The following C9orf85 variants were observed in gnomAD, a reference collection of about 807,000 sequenced individuals.
C9orf85 encodes the protein chromosome 9 open reading frame 85, also known as uncharacterized protein C9orf85.
C9orf85 carries 16 observed loss-of-function variants against 14.9 expected under a neutral mutation model. The ratio of observed to expected loss-of-function variants is 1.08; its 90% CI spans 0.73 to 1.63. C9orf85 has a LOEUF of 1.63. Ranked by LOEUF, C9orf85 falls within the 40% of genes most tolerant of loss-of-function variation. The pLI is 0.00. For synonymous variants in C9orf85, 45 were observed against 56.8 expected (o/e 0.79, Z 0.93); for missense variants, 172 against 186.1 (o/e 0.92, Z 0.44).
At chr9:71,928,032 C>A (rs1827971371) in intron 1 of C9orf85, among the ~76,000 whole-genome samples, 1 of 151,842 alleles carries the variant, frequency 6.6e-6, no homozygotes, top group African/African-American at 2.4e-5. Context: ...ACTAAAAATA[C>A]AAAAATTAGT....
intron 1 of C9orf85, among the ~76,000 whole-genome samples, chr9:71,926,819 A>G (rs1827939851): frequency 6.6e-6 from 1 of 152,070 alleles, no homozygotes; most frequent in Non-Finnish European, 1.5e-5. Context: ...GATAAAAATT[A>G]TGAAATAAAA....
downstream of C9orf85, among the ~76,000 whole-genome samples, chr9:71,977,463 G>A (rs764998978): frequency 6.6e-6 from 1 of 152,220 alleles, no homozygotes; most frequent in Non-Finnish European, 1.5e-5. Context: ...AAGAAGAATT[G>A]ATATACCATG....
At chr9:71,975,441 C>CA (rs35034545), downstream of C9orf85, among the ~76,000 whole-genome samples, 7,455 of 94,250 alleles carry the variant, frequency 0.079, 234 homozygotes, top group Admixed American at 0.086. Context: ...GACTCCATCT[C>CA]AAAAAAAAAA....
rs201027513 is a variant in C9orf85, at chr9:71,971,539, T to C, written c.244T>C (p.Tyr82His). The change falls in exon 3 of 4, where the codon TAT (tyrosine) becomes CAT (histidine). Residue 82 changes from tyrosine (Y) to histidine (H), a missense_variant. Physicochemically the swap from Tyr to His is moderately conservative, Grantham distance 83. Coordinates refer to ENST00000334731, the MANE Select transcript of C9orf85 (RefSeq NM_182505.5). ...TTTACAAAAGACAGTGAAGGATTCT[T>C]ATCACATAATGTGCAGGCCATGTGC... ...KCLQKTVKDS[Y>H]HIMCRPCACE... 3.0e-5 allele frequency: 48 copies of C among 1,607,684 alleles called. No homozygotes were observed. The highest frequency in any genetic ancestry group is 3.8e-5 in the Non-Finnish European group (45 of 1,177,060).
intron 1 of C9orf85, among the ~76,000 whole-genome samples, chr9:71,943,087 G>A (rs1821981731): frequency 6.6e-6 from 1 of 152,002 alleles, no homozygotes; most frequent in Non-Finnish European, 1.5e-5. Context: ...AGATATAAAA[G>A]TTTCTATTTC....
intron 2 of C9orf85, 92 bp from the exon 3 acceptor site, chr9:71,971,413 A>T: frequency 1.6e-6 from 1 of 627,188 alleles, no homozygotes; most frequent in Non-Finnish European, 2.5e-6. Context: ...TTGATTTCTT[A>T]GGCTTTTTAA....
chr9:71,950,758 A>G (rs1291232144), intron 2 of C9orf85, among the ~76,000 whole-genome samples: 1 of 152,188 alleles, frequency 6.6e-6, no homozygotes, highest in Non-Finnish European at 1.5e-5. Flanking sequence ...TCATGTGTCT[A>G]TCTATTGCCA....
intron 1 of C9orf85, among the ~76,000 whole-genome samples, chr9:71,925,884 A>C (rs901189760): frequency 6.2e-4 from 94 of 152,382 alleles, no homozygotes; most frequent in African/African-American, 2.1e-3. Flanking sequence ...TGAATTTACA[A>C]CATAATATGG....
chr9:71,928,489 G>C (rs1827985154), intron 1 of C9orf85, among the ~76,000 whole-genome samples: 1 of 152,064 alleles, frequency 6.6e-6, no homozygotes, highest in Admixed American at 6.5e-5. Context: ...TTTTTGGATT[G>C]TTCCTGTAGA....
intron 1 of C9orf85, among the ~76,000 whole-genome samples, chr9:71,942,264 G>A (rs941608775): frequency 3.3e-5 from 5 of 152,182 alleles, no homozygotes; most frequent in Non-Finnish European, 2.9e-5. Flanking sequence ...ACATTTTTGC[G>A]AGCATCGCTT....
At chr9:71,919,535 A>G (rs780883495) in intron 1 of C9orf85, among the ~76,000 whole-genome samples, 1 of 152,194 alleles carries the variant, frequency 6.6e-6, no homozygotes, top group Non-Finnish European at 1.5e-5. Context: ...CTATTAAATG[A>G]GTTTATGTTA....
chr9:71,919,106 G>T (rs540526024), intron 1 of C9orf85, among the ~76,000 whole-genome samples: 2 of 152,274 alleles, frequency 1.3e-5, no homozygotes, highest in East Asian at 3.9e-4. Context: ...TCCTAATTTC[G>T]TGGGTTGTGA....
At chr9:71,959,107 ATATT>A (rs2132332555) in intron 2 of C9orf85, among the ~76,000 whole-genome samples, 1 of 152,012 alleles carries the variant, frequency 6.6e-6, no homozygotes, top group South Asian at 2.1e-4. Flanking sequence ...GACAAATAAG[ATATT>A]TATTTTAAAT....
At chr9:71,964,075 T>C (rs1197941930) in intron 2 of C9orf85, among the ~76,000 whole-genome samples, 2 of 151,996 alleles carry the variant, frequency 1.3e-5, no homozygotes, top group African/African-American at 4.8e-5. Context: ...GCACCCTGTG[T>C]CTAGCTCAGG....
At chr9:71,956,914 A>G (rs920224611) in intron 2 of C9orf85, among the ~76,000 whole-genome samples, 3 of 152,182 alleles carry the variant, frequency 2.0e-5, no homozygotes, top group African/African-American at 7.2e-5. Flanking sequence ...TGACAAGAAG[A>G]AACAGTATAG....
chr9:71,923,321 C>A (rs1827858829), intron 1 of C9orf85, among the ~76,000 whole-genome samples: 1 of 152,078 alleles, frequency 6.6e-6, no homozygotes, highest in Admixed American at 6.6e-5. Flanking sequence ...GACTGGAGTA[C>A]AATGGCATGA....
intron 2 of C9orf85, among the ~76,000 whole-genome samples, chr9:71,969,304 C>T (rs960858469): frequency 9.9e-5 from 15 of 152,018 alleles, no homozygotes; most frequent in African/African-American, 3.6e-4. Flanking sequence ...CCATGCCCAG[C>T]TAATTTTTTG....
intron 2 of C9orf85, among the ~76,000 whole-genome samples, chr9:71,967,378 T>A (rs946279056): frequency 2.0e-5 from 3 of 152,218 alleles, no homozygotes; most frequent in African/African-American, 7.2e-5. Context: ...GATCTGTGTG[T>A]CCTTTCACCA....
intron 1 of C9orf85, among the ~76,000 whole-genome samples, chr9:71,922,971 T>C (rs1331696057): frequency 6.6e-6 from 1 of 152,126 alleles, no homozygotes; most frequent in Non-Finnish European, 1.5e-5. Flanking sequence ...CTACTAAAGA[T>C]ACAAAAAAAT....
Sources: allele counts gnomAD v4.1 joint callset (sites outside exome capture counted in the v4.1 genomes callset), GRCh38; gene constraint gnomAD v4.1.1; transcripts MANE v1.5; gene names NCBI Gene and HGNC (gene_info 2026-07-23, HGNC 2026-07-21).